Variants in PLS1 observed in about 807,000 individuals in gnomAD.
The protein encoded by PLS1 is plastin-1.
In PLS1, 32 loss-of-function variants were observed where a neutral mutation model predicts 73.7. The observed-to-expected ratio is 0.43, with a 90% confidence interval of 0.33 to 0.58. The LOEUF is 0.58. Among genes scored for constraint, PLS1 ranks in the 20% least tolerant of loss-of-function variants. The pLI is 0.04. For missense variants in PLS1, 633 were observed against 740.5 expected (o/e 0.85, Z 1.68); for synonymous variants, 217 against 261.3 (o/e 0.83, Z 1.63).
intron 12 of PLS1, among the ~76,000 whole-genome samples, chr3:142,699,086 T>TGAACACAGGGAC (rs2038272474): frequency 6.6e-6 from 1 of 152,052 alleles, no homozygotes; most frequent in Non-Finnish European, 1.5e-5. Context: ...GAACATCACA[T>TGAACACAGGGAC]ACCTGGACCT....
At chr3:142,636,055 A>AT (rs34619105) in intron 1 of PLS1, among the ~76,000 whole-genome samples, 5,452 of 147,940 alleles carry the variant, frequency 0.037, 128 homozygotes, top group South Asian at 0.062. Flanking sequence ...ACACCTGCTA[A>AT]TTTTTTTTTT....
At chr3:142,646,955 C>CT (rs1369256729) in intron 1 of PLS1, among the ~76,000 whole-genome samples, 1 of 152,154 alleles carries the variant, frequency 6.6e-6, no homozygotes, top group Non-Finnish European at 1.5e-5. Flanking sequence ...GAAAGCATGG[C>CT]TTGGAGGGAG....
Position 142,697,064 on chromosome 3 carries a change from A to G in PLS1, c.1257-889A>G, listed in dbSNP as rs2038225748. 2.0e-5 allele frequency among the ~76,000 whole-genome samples: 3 copies of G among 152,152 alleles called. No homozygotes were observed. In the South Asian group the frequency reaches 6.2e-4, roughly 31 times the overall value. The stretch of plus-strand genomic sequence containing the variant: ...GACAAGCTGTTGGAGGAGAAAAGCC[A>G]TATAATATATCACAAAGCTAGCAAT... On this transcript the variant is annotated intron_variant, in intron 11 of 15. Coordinates refer to ENST00000457734, the MANE Select transcript of PLS1 (RefSeq NM_001145319.2).
chr3:142,635,374 C>T (rs1330303987), intron 1 of PLS1, among the ~76,000 whole-genome samples: 1 of 150,744 alleles, frequency 6.6e-6, no homozygotes, highest in African/African-American at 2.4e-5. Flanking sequence ...GTCTACATAT[C>T]TCAATTAAAA....
intron 6 of PLS1, among the ~76,000 whole-genome samples, chr3:142,682,524 C>CA (rs2037877109): frequency 6.6e-6 from 1 of 152,158 alleles, no homozygotes. Context: ...CGAAATTACA[C>CA]ACTTCTTTTG....
rs570448154 is a variant in PLS1, at chr3:142,660,221, A to C, written c.-36-3981A>C. 2.0e-5 allele frequency among the ~76,000 whole-genome samples: 3 copies of C among 152,226 alleles called. No individual in the cohort carries two copies. The South Asian group carries it at 6.2e-4, about 32-fold the overall frequency. ...TAACAACGTAAAAATCACAACTGTT[A>C]CCATTTTTTTGTACCCTTCCAGAAA... is the stretch of plus-strand genomic sequence containing the variant. On this transcript the variant is annotated intron_variant, in intron 1 of 15. Coordinates refer to ENST00000457734, the MANE Select transcript of PLS1 (RefSeq NM_001145319.2).
At chr3:142,632,888 C>T (rs1314982394) in intron 1 of PLS1, among the ~76,000 whole-genome samples, 4 of 152,134 alleles carry the variant, frequency 2.6e-5, no homozygotes, top group South Asian at 4.1e-4. Context: ...CATGAGCCAC[C>T]GTGCCCAGCC....
At chr3:142,608,551 A>G (rs531226267) in intron 1 of PLS1, among the ~76,000 whole-genome samples, 1 of 152,326 alleles carries the variant, frequency 6.6e-6, no homozygotes, top group Non-Finnish European at 1.5e-5. Flanking sequence ...TCTGAGACTC[A>G]CATAGCTTGT....
At chr3:142,610,809 G>A (rs913354441) in intron 1 of PLS1, among the ~76,000 whole-genome samples, 1 of 152,110 alleles carries the variant, frequency 6.6e-6, no homozygotes, top group Admixed American at 6.5e-5. Context: ...CATATGAGGA[G>A]CCCCATCTCA....
chr3:142,606,651 A>G (rs773950115), intron 1 of PLS1, among the ~76,000 whole-genome samples: 1 of 152,146 alleles, frequency 6.6e-6, no homozygotes, highest in Non-Finnish European at 1.5e-5. Context: ...CTTTCTGTCT[A>G]TATATTTGCC....
intron 1 of PLS1, among the ~76,000 whole-genome samples, chr3:142,637,024 T>C (rs145961392): frequency 6.6e-6 from 1 of 152,296 alleles, no homozygotes; most frequent in East Asian, 1.9e-4. Flanking sequence ...AAAAGTCAAA[T>C]ATACATTTAC....
At chr3:142,655,719 T>A in intron 1 of PLS1, among the ~76,000 whole-genome samples, 1 of 105,264 alleles carries the variant, frequency 9.5e-6, no homozygotes, top group African/African-American at 4.9e-5. Flanking sequence ...CAAAATTCCG[T>A]CTCAAAAAAA....
intron 5 of PLS1, 51 bp from the exon 6 acceptor site, chr3:142,677,981 T>TA: frequency 1.2e-6 from 1 of 858,912 alleles, no homozygotes; most frequent in South Asian, 1.6e-5. Context: ...AATAATAAAC[T>TA]AAAAAAATTT....
intron 1 of PLS1, among the ~76,000 whole-genome samples, chr3:142,651,034 G>A (rs2037076628): frequency 6.6e-6 from 1 of 152,162 alleles, no homozygotes; most frequent in Admixed American, 6.5e-5. Flanking sequence ...TCAGGAATAT[G>A]ATGAGTGGTA....
At chr3:142,710,639 G>A (rs1269312405) in intron 14 of PLS1, among the ~76,000 whole-genome samples, 5 of 152,110 alleles carry the variant, frequency 3.3e-5, no homozygotes, top group African/African-American at 9.7e-5. Context: ...AAGGAGGTAT[G>A]GATATAGAGC....
At chr3:142,636,518 A>G (rs1001258373) in intron 1 of PLS1, among the ~76,000 whole-genome samples, 5 of 152,230 alleles carry the variant, frequency 3.3e-5, no homozygotes, top group African/African-American at 4.8e-5. Flanking sequence ...TGGGTTTGGT[A>G]AAAATTTCAA....
Position 142,689,699 on chromosome 3 carries a change from G to T in PLS1, c.1063G>T (p.Asp355Tyr). ...LGCKQFVTPA[D>Y]VVSGNPKLNL... ...CTGCAAACAGTTTGTTACTCCTGCA[G>T]ATGTGGTTTCAGGCAATCCTAAACT... Residue 355 changes from aspartate to tyrosine, a missense_variant, in exon 10 of 16, where the codon GAT becomes TAT. By Grantham distance (160) the Asp-to-Tyr change is radical. Coordinates refer to ENST00000457734, the MANE Select transcript of PLS1 (RefSeq NM_001145319.2). 2 of 1,611,576 alleles carry T rather than the reference G, an allele frequency of 1.2e-6. No homozygotes were observed. Among genetic ancestry groups the T allele is most frequent in the Non-Finnish European group, 1.7e-6 (2 of 1,178,710 alleles).
intron 13 of PLS1, 81 bp downstream of exon 13, chr3:142,704,082 C>A: frequency 2.7e-6 from 3 of 1,115,790 alleles, no homozygotes; most frequent in Non-Finnish European, 4.0e-6. Context: ...TATTTTTGAA[C>A]AATAATGAAC....
chr3:142,631,548 C>T (rs568214530), intron 1 of PLS1, among the ~76,000 whole-genome samples: 1 of 150,200 alleles, frequency 6.7e-6, no homozygotes, highest in African/African-American at 2.4e-5. Context: ...GTGGTCCCAG[C>T]TACTCGGGAG....
Sources: gnomAD v4.1 joint callset for allele counts (sites outside exome capture counted in the v4.1 genomes callset) on GRCh38, gnomAD v4.1.1 for gene constraint, MANE v1.5 for transcripts, NCBI Gene and HGNC (gene_info 2026-07-23, HGNC 2026-07-21) for gene names.